CYP2C18: variants seen among roughly 807,000 people sequenced by gnomAD.
CYP2C18 encodes cytochrome P450 family 2 subfamily C member 18, also known as cytochrome P450 2C18.
In CYP2C18, 38 loss-of-function variants were observed where a neutral mutation model predicts 41.3. The ratio of observed to expected loss-of-function variants is 0.92; its 90% CI spans 0.71 to 1.21. The LOEUF (loss-of-function observed/expected upper bound fraction) is 1.21, where lower values mean the gene tolerates loss of function less well. Among genes scored for constraint, CYP2C18 ranks in the 50% most tolerant of loss-of-function variants. CYP2C18 has a pLI of 0.00. For missense variants in CYP2C18, 635 were observed against 591.4 expected (o/e 1.07, Z -0.77); for synonymous variants, 236 against 210.0 (o/e 1.12, Z -1.07).
Position 94,736,067 on chromosome 10 carries a change from T to G in CYP2C18, c.*623T>G, listed in dbSNP as rs1847914903. 6.6e-6 allele frequency: 1 copy of G among 152,148 alleles called. No individual in the cohort carries two copies. Among genetic ancestry groups the G allele is most frequent in the Non-Finnish European group, 1.5e-5 (1 of 68,036 alleles). 9.4% of individuals were successfully genotyped at this position (152,148 alleles called of 1,614,324 possible). A position where few individuals can be genotyped will look rare whatever the true frequency, so the allele number is the denominator to read the frequency against. Reference sequence around the variant, plus strand: ...CAATCATCCATAAGAGGGATGAACATTAAGTGTTTGAATTCATGCTCTGCT... The same window carrying G: ...CAATCATCCATAAGAGGGATGAACAGTAAGTGTTTGAATTCATGCTCTGCT... On this transcript the variant is annotated 3_prime_UTR_variant, in exon 9 of 9. Transcript: ENST00000285979.
chr10:94,689,279 G>C (rs1271575988), intron 3 of CYP2C18, among the ~76,000 whole-genome samples: 1 of 152,096 alleles, frequency 6.6e-6, no homozygotes, highest in Middle Eastern at 3.4e-3. Context: ...ACCTTCCCTA[G>C]TTGTCCATTA....
intron 5 of CYP2C18, among the ~76,000 whole-genome samples, chr10:94,718,757 C>T (rs1434968923): frequency 6.6e-6 from 1 of 152,120 alleles, no homozygotes; most frequent in Non-Finnish European, 1.5e-5. Context: ...TAATATAATA[C>T]TGGTACTTTT....
chr10:94,694,180 C>T (rs2134179736), intron 3 of CYP2C18, among the ~76,000 whole-genome samples: 1 of 152,172 alleles, frequency 6.6e-6, no homozygotes, highest in South Asian at 2.1e-4. Context: ...TTTCTTAGAG[C>T]AGGAAATTCC....
chr10:94,695,937 G>T (rs1414228238), intron 4 of CYP2C18, among the ~76,000 whole-genome samples: 1 of 151,118 alleles, frequency 6.6e-6, no homozygotes, highest in Non-Finnish European at 1.5e-5. Flanking sequence ...GCTGGGGGAG[G>T]GGGGCCTGCC....
intron 4 of CYP2C18, among the ~76,000 whole-genome samples, chr10:94,705,081 G>T (rs140333748): frequency 1.3e-5 from 2 of 152,282 alleles, no homozygotes; most frequent in Non-Finnish European, 2.9e-5. Context: ...GAGCAGGGCT[G>T]CCCTTGACAA....
rs553840903 is a variant in CYP2C18 at position 94,723,761 on chromosome 10, G to A, written c.962-585G>A. Among the ~76,000 whole-genome samples, 67 of 143,114 alleles carry A rather than the reference G, an allele frequency of 4.7e-4. 1 individual carries two copies. The highest frequency in any genetic ancestry group is 8.4e-4 in the Non-Finnish European group (55 of 65,684). The allele number at this position is 143,114 out of a possible 152,430, so 93.9% of individuals were successfully genotyped here. On this transcript the variant is annotated intron_variant, in intron 6 of 8. Transcript: ENST00000285979. ...AAGTCCTCATCTTTCTTACCATGAG[G>A]TTTTAGAAATTTTCAAAGATAAATT...
Position 94,721,699 on chromosome 10 carries a change from AG to A in CYP2C18, c.961+1163del, listed in dbSNP as rs1847648071. On this transcript the variant is annotated intron_variant, in intron 6 of 8. Coordinates refer to ENST00000285979, the MANE Select transcript of CYP2C18 (RefSeq NM_000772.3). ...ATTGTTTAGCTCCCATTTATAAGTG[AG>A]AACATGTGGTTTTTGACTTTCTATT... is the stretch of plus-strand genomic sequence containing the variant. Among the ~76,000 whole-genome samples the A allele has an allele frequency of 2.0e-5, 3 of 152,054 alleles. No homozygotes were observed. In the South Asian group the frequency reaches 6.2e-4, roughly 32 times the overall value.
In CYP2C18 at chr10:94,733,350, C is replaced by A; in HGVS notation, c.1203C>A (p.Phe401Leu). 1.9e-6 allele frequency: 3 copies of A among 1,613,432 alleles called. No homozygotes were observed. Among genetic ancestry groups the A allele is most frequent in the Non-Finnish European group, 2.5e-6 (3 of 1,179,576 alleles). Residue 401 changes from phenylalanine (F) to leucine (L), a missense_variant, in exon 8 of 9, where the codon TTC (phenylalanine) becomes TTA (leucine). Coordinates refer to ENST00000285979, the MANE Select transcript of CYP2C18 (RefSeq NM_000772.3). ...CTGTGCTGCACAATGACAAAGAATT[C>A]CCCAACCCAGAGATGTTTGACCCTG... ...LTSVLHNDKE[F>L]PNPEMFDPGH...
At chr10:94,689,635 T>A (rs1335558599) in intron 3 of CYP2C18, among the ~76,000 whole-genome samples, 1 of 152,168 alleles carries the variant, frequency 6.6e-6, no homozygotes, top group East Asian at 1.9e-4. Context: ...CCCTTAGATA[T>A]GGCATAATAT....
intron 7 of CYP2C18, chr10:94,728,736 TCAC>T: frequency 3.2e-6 from 1 of 312,834 alleles, no homozygotes. Context: ...CAAATTCTCC[TCAC>T]TTTTTTTTTT....
At chr10:94,687,353 C>A (rs1846906511) in intron 1 of CYP2C18, among the ~76,000 whole-genome samples, 1 of 152,182 alleles carries the variant, frequency 6.6e-6, no homozygotes, top group African/African-American at 2.4e-5. Flanking sequence ...AGTGTCCCAG[C>A]AGCTGATTAT....
At chr10:94,721,163 C>G (rs1187371535) in intron 6 of CYP2C18, among the ~76,000 whole-genome samples, 1 of 151,788 alleles carries the variant, frequency 6.6e-6, no homozygotes, top group African/African-American at 2.4e-5. Context: ...ACAGGTGTAC[C>G]CACCACACCT....
chr10:94,729,561 CAA>C (rs1208278354), intron 7 of CYP2C18, among the ~76,000 whole-genome samples: 1 of 151,718 alleles, frequency 6.6e-6, no homozygotes, highest in African/African-American at 2.4e-5. Flanking sequence ...AAAACAAAAA[CAA>C]AAAAAACCAG....
At chr10:94,685,393 A>G (rs1846868251) in intron 1 of CYP2C18, among the ~76,000 whole-genome samples, 1 of 152,060 alleles carries the variant, frequency 6.6e-6, no homozygotes, top group Non-Finnish European at 1.5e-5. Flanking sequence ...GTTTCTAAGT[A>G]TTTTGGGTGG....
chr10:94,698,000 G>A (rs572459437), intron 4 of CYP2C18, among the ~76,000 whole-genome samples: 69 of 152,108 alleles, frequency 4.5e-4, no homozygotes, highest in Middle Eastern at 3.4e-3. Context: ...AGAGACCTAC[G>A]AAGAGACTTA....
At chr10:94,694,110 A>G (rs755186828) in intron 3 of CYP2C18, among the ~76,000 whole-genome samples, 4 of 152,198 alleles carry the variant, frequency 2.6e-5, no homozygotes, top group African/African-American at 4.8e-5. Flanking sequence ...CGAGGATTCT[A>G]TAAGAGGTCA....
intron 1 of CYP2C18, among the ~76,000 whole-genome samples, chr10:94,686,121 T>G (rs1453792713): frequency 1.3e-5 from 2 of 152,128 alleles, no homozygotes; most frequent in Non-Finnish European, 2.9e-5. Context: ...TTGATTAAAT[T>G]TATTCATAAG....
At chr10:94,715,020 A>T (rs1376459344) in intron 5 of CYP2C18, among the ~76,000 whole-genome samples, 4 of 152,182 alleles carry the variant, frequency 2.6e-5, no homozygotes, top group Non-Finnish European at 5.9e-5. Flanking sequence ...ATTTTTGCAC[A>T]CTTATTTTGT....
chr10:94,703,180 G>A (rs1244973137), intron 4 of CYP2C18, among the ~76,000 whole-genome samples: 1 of 152,200 alleles, frequency 6.6e-6, no homozygotes, highest in African/African-American at 2.4e-5. Flanking sequence ...AAACCGTGCT[G>A]GGAGGTGTCT....
Sources: allele counts gnomAD v4.1 joint callset (sites outside exome capture counted in the v4.1 genomes callset), GRCh38; gene constraint gnomAD v4.1.1; transcripts MANE v1.5; gene names NCBI Gene and HGNC (gene_info 2026-07-23, HGNC 2026-07-21).